TTC8: variants seen among roughly 807,000 people sequenced by gnomAD.
TTC8 encodes tetratricopeptide repeat protein 8.
A neutral mutation model predicts 72.5 loss-of-function variants in TTC8; 47 were observed. That is an observed-to-expected ratio of 0.65 (90% CI 0.51 to 0.83). TTC8 has a LOEUF of 0.83. TTC8 is among the 40% of genes least tolerant of loss of function. The probability of loss-of-function intolerance (pLI) is 0.00; values close to 1 mark genes in which losing one functional copy is unlikely to be tolerated. For missense variants in TTC8, 611 were observed against 623.2 expected (o/e 0.98, Z 0.21); for synonymous variants, 199 against 221.4 (o/e 0.90, Z 0.90).
chr14:88,849,305 C>T (rs1185757676), intron 7 of TTC8, among the ~76,000 whole-genome samples: 3 of 151,982 alleles, frequency 2.0e-5, no homozygotes, highest in Non-Finnish European at 2.9e-5. Flanking sequence ...TTGCTTTTAC[C>T]AGAAATGTTC....
chr14:88,869,538 G>A (rs2094924803), intron 10 of TTC8, among the ~76,000 whole-genome samples: 1 of 151,898 alleles, frequency 6.6e-6, no homozygotes, highest in South Asian at 2.1e-4. Flanking sequence ...GGCTTACAAA[G>A]GCCCTGGCTG....
intron 6 of TTC8, among the ~76,000 whole-genome samples, chr14:88,843,179 G>C (rs1566838901): frequency 6.6e-6 from 1 of 152,128 alleles, no homozygotes; most frequent in Non-Finnish European, 1.5e-5. Context: ...CTGTACATGA[G>C]AGTTATCTGA....
At chr14:88,847,243 C>T (rs372107618) in intron 7 of TTC8, among the ~76,000 whole-genome samples, 2 of 152,268 alleles carry the variant, frequency 1.3e-5, no homozygotes, top group Non-Finnish European at 2.9e-5. Context: ...GGGTGTAATG[C>T]CAGGTGTTCC....
intron 3 of TTC8, 40 bp from the exon 4 acceptor site, chr14:88,840,825 T>G (rs1172211424): frequency 3.8e-6 from 6 of 1,590,600 alleles, no homozygotes; most frequent in Non-Finnish European, 5.2e-6. Context: ...TACAGATTAA[T>G]AGATAATATA....
chr14:88,869,989 TC>T, intron 10 of TTC8, 69 bp from the exon 11 acceptor site: 1 of 1,517,716 alleles, frequency 6.6e-7, no homozygotes, highest in Non-Finnish European at 9.1e-7. Flanking sequence ...TGGACTTAAA[TC>T]AGTCAGAAAA....
At position 88,843,822 on chromosome 14, in the gene TTC8, T is replaced by A. The variant is rs753995884; in HGVS notation, c.596T>A (p.Ile199Asn). 5.0e-6 allele frequency: 8 copies of A among 1,597,528 alleles called. No individual in the cohort carries two copies. Among genetic ancestry groups the A allele is most frequent in the Non-Finnish European group, 6.8e-6 (8 of 1,169,736 alleles). The change falls in exon 7 of 15, where the codon ATC becomes AAC. Residue 199 changes from isoleucine (I) to asparagine (N), a missense_variant. Transcript: ENST00000380656. ...TCTTCACAGGCTTTGTTTGAGTATA[T>A]CTTTCATCATGAAAATGATGTTAAG... is the stretch of plus-strand genomic sequence containing the variant. ...PKLAKALFEY[I>N]FHHENDVKTA...
rs1378823310 is a variant in TTC8, at chr14:88,871,032, G to A, written c.1050-517G>A. ...TGAGCTGCAGTGTGAGAGCTAAGTG[G>A]ATAATGTAAGGATCCGCTGATGGTC... On this transcript the variant is annotated intron_variant, in intron 11 of 14. Coordinates refer to ENST00000380656, the MANE Select transcript of TTC8 (RefSeq NM_144596.4). The surrounding 1 kb of genome is among the most constrained non-coding windows in gnomAD (Gnocchi z 4.1). Among the ~76,000 whole-genome samples, 1 of 152,184 alleles carries A rather than the reference G, an allele frequency of 6.6e-6. No individual in the cohort carries two copies. The highest frequency in any genetic ancestry group is 2.4e-5 in the African/African-American group (1 of 41,444).
intron 10 of TTC8, among the ~76,000 whole-genome samples, chr14:88,867,315 T>A (rs1303545538): frequency 6.6e-6 from 1 of 152,166 alleles, no homozygotes; most frequent in Non-Finnish European, 1.5e-5. Flanking sequence ...TAAATTATGG[T>A]CTCTGTATTG....
At chr14:88,858,619 G>T (rs1251622581) in intron 9 of TTC8, among the ~76,000 whole-genome samples, 1 of 151,114 alleles carries the variant, frequency 6.6e-6, no homozygotes, top group Non-Finnish European at 1.5e-5. Context: ...TCTGAGTAGG[G>T]GTGTCACTCT....
chr14:88,844,003 G>A lies in TTC8; in HGVS notation c.624+153G>A, dbSNP rs373091989. On this transcript the variant is annotated intron_variant, in intron 7 of 14. Coordinates refer to ENST00000380656, the MANE Select transcript of TTC8 (RefSeq NM_144596.4). The stretch of plus-strand genomic sequence containing the variant: ...ACTTTAAAATCCACCCTCAGTTTCT[G>A]TGGGAAAATGTGTATAAATATACAA... Among the ~76,000 whole-genome samples the A allele has an allele frequency of 6.6e-5, 10 of 152,202 alleles. 1 individual carries two copies. Among genetic ancestry groups the A allele is most frequent in the East Asian group, 1.9e-4 (1 of 5,178 alleles).
intron 14 of TTC8, among the ~76,000 whole-genome samples, chr14:88,876,584 G>A (rs1395951271): frequency 6.6e-6 from 1 of 152,048 alleles, no homozygotes; most frequent in Non-Finnish European, 1.5e-5. Context: ...ATTATACCTT[G>A]TATGCTTGTA....
chr14:88,824,803 G>A lies in TTC8; in HGVS notation c.96G>A (p.Glu32=), dbSNP rs759526634. The A allele has an allele frequency of 1.2e-6, 2 of 1,613,448 alleles. No homozygotes were observed. Among genetic ancestry groups the A allele is most frequent in the Non-Finnish European group, 1.7e-6 (2 of 1,179,730 alleles). The change falls in exon 1 of 15, where the codon GAG becomes GAA. Residue 32 remains glutamate, a synonymous_variant. Coordinates refer to ENST00000380656, the MANE Select transcript of TTC8 (RefSeq NM_144596.4). ...LCADLCTQML[E]KSPYDQEPDP... is the part of the protein sequence containing the mutation. ...CCGATCTATGCACGCAGATGCTGGA[G>A]AAGTCCCCTTATGACCAGGTACCGG...
At position 88,877,334 on chromosome 14, in the gene TTC8, C is replaced by T; in HGVS notation, c.1472C>T (p.Ser491Phe). 1 of 1,613,728 alleles carries T rather than the reference C, an allele frequency of 6.2e-7. No individual in the cohort carries two copies. ...AGAAGCTATGTTGCTGCGCAGAAGT[C>T]TGAAGCAGCATTTCCAGACCATGTG... ...LQRSYVAAQKSEAAFPDHVDT... is the reference protein window; with the variant it reads ...LQRSYVAAQKFEAAFPDHVDT... Residue 491 changes from serine to phenylalanine, a missense_variant, in exon 15 of 15, where the codon TCT becomes TTT. Coordinates refer to ENST00000380656, the MANE Select transcript of TTC8 (RefSeq NM_144596.4).
At chr14:88,853,838 A>G (rs2094844514) in intron 8 of TTC8, among the ~76,000 whole-genome samples, 1 of 152,348 alleles carries the variant, frequency 6.6e-6, no homozygotes, top group South Asian at 2.1e-4. Flanking sequence ...TGAAATGCAT[A>G]TAGAACATTT....
Position 88,870,091 on chromosome 14 carries a change from T to C in TTC8, c.942T>C (p.Tyr314=), listed in dbSNP as rs1340345868. 1.9e-6 allele frequency: 3 copies of C among 1,614,042 alleles called. No individual in the cohort carries two copies. Among genetic ancestry groups the C allele is most frequent in the South Asian group, 1.1e-5 (1 of 91,080 alleles). ...ACAATATGTCATCAGCAGCAGAATA[T>C]TACAAAGAAGTTTTGAAACAAGACA... ...EMNNMSSAAE[Y]YKEVLKQDNT... is the part of the protein sequence containing the mutation. The change falls in exon 11 of 15, where the codon TAT becomes TAC. Residue 314 remains tyrosine (Y), a synonymous_variant. Coordinates refer to ENST00000380656, the MANE Select transcript of TTC8 (RefSeq NM_144596.4).
chr14:88,843,848 A>C lies in TTC8; in HGVS notation c.622A>C (p.Thr208Pro), dbSNP rs2094793739. The C allele has an allele frequency of 1.3e-6, 2 of 1,587,712 alleles. No individual in the cohort carries two copies. The highest frequency in any genetic ancestry group is 2.7e-5 in the African/African-American group (2 of 74,544). Residue 208 changes from threonine to proline, a missense_variant and splice_region_variant, in exon 7 of 15, where the codon ACT becomes CCT. Physicochemically the swap from Thr to Pro is conservative, Grantham distance 38. Transcript: ENST00000380656. ...CTTTCATCATGAAAATGATGTTAAG[A>C]CTGTAAGTTTTGAATTCATGCTATT... is the stretch of plus-strand genomic sequence containing the variant. ...YIFHHENDVKTALDLAALSTE... is the reference protein window; with the variant it reads ...YIFHHENDVKPALDLAALSTE...
rs777519251 is a variant in TTC8, at chr14:88,843,857, T to A, written c.624+7T>A. 6.4e-7 allele frequency: 1 copy of A among 1,566,548 alleles called. No homozygotes were observed. Among genetic ancestry groups the A allele is most frequent in the Admixed American group, 1.7e-5 (1 of 57,452 alleles). On this transcript the variant is annotated splice_region_variant and intron_variant, in intron 7 of 14. Transcript: ENST00000380656. ...TGAAAATGATGTTAAGACTGTAAGTTTTGAATTCATGCTATTTTCTTTTAT... is the reference window on the plus strand; with the variant it reads ...TGAAAATGATGTTAAGACTGTAAGTATTGAATTCATGCTATTTTCTTTTAT...
At chr14:88,873,430 G>A (rs2094943596) in intron 13 of TTC8, among the ~76,000 whole-genome samples, 1 of 152,120 alleles carries the variant, frequency 6.6e-6, no homozygotes, top group Non-Finnish European at 1.5e-5. Context: ...TTTCTTCACA[G>A]TATTTACCAC....
intron 8 of TTC8, among the ~76,000 whole-genome samples, chr14:88,854,950 G>C (rs879883951): frequency 6.6e-6 from 1 of 152,262 alleles, no homozygotes; most frequent in African/African-American, 2.4e-5. Context: ...GCATCCTAAG[G>C]TGCTGGGATT....
Sources: allele counts gnomAD v4.1 joint callset (sites outside exome capture counted in the v4.1 genomes callset), GRCh38; gene constraint gnomAD v4.1.1; non-coding constraint Gnocchi (gnomAD v3.1); transcripts MANE v1.5; gene names NCBI Gene and HGNC (gene_info 2026-07-23, HGNC 2026-07-21).